The following ZNF581 variants were observed in gnomAD, a reference collection of about 807,000 sequenced individuals.
The protein encoded by ZNF581 is zinc finger protein 581.
Under a neutral mutation model 1.2 loss-of-function variants are expected in ZNF581, and 1 was observed. The ratio of observed to expected loss-of-function variants is 0.83; its 90% CI spans 0.30 to 3.95. The LOEUF (loss-of-function observed/expected upper bound fraction) is 3.95. Among genes scored for constraint, ZNF581 ranks in the 30% most tolerant of loss-of-function variants. The pLI is 0.18. For synonymous variants in ZNF581, 105 were observed against 109.2 expected, an observed-to-expected ratio of 0.96 and a Z score of 0.24; for missense variants, 273 against 274.6, an observed-to-expected ratio of 0.99 and a Z score of 0.04.
At position 55,645,082 on chromosome 19, in the gene ZNF581, C is replaced by T. The variant is rs201594382; in HGVS notation, c.511C>T (p.Arg171Cys). The change falls in exon 2 of 2, where the codon CGC becomes TGC. Residue 171 changes from arginine (R) to cysteine (C), a missense_variant. Arg to Cys is a radical substitution (Grantham distance 180). Transcript: ENST00000270451. ...AQHSRVHSGE[R>C]PFQCPHCPRR... ...GCACAGCCGGGTGCACTCTGGGGAA[C>T]GCCCGTTTCAGTGTCCACACTGCCC... is the stretch of plus-strand genomic sequence containing the variant. 18 of 1,552,900 alleles carry T rather than the reference C, an allele frequency of 1.2e-5. No homozygotes were observed. The highest frequency in any genetic ancestry group is 1.7e-4 in the Middle Eastern group (1 of 5,798).
chr19:55,635,693 G>T (rs1263420518), exon 1 of ZNF581: 1 of 988,062 alleles, frequency 1.0e-6, no homozygotes, highest in African/African-American at 1.7e-5. Context: ...AGAATGATTC[G>T]CTGCAGCTGT....
upstream of ZNF581, chr19:55,641,066 G>A: frequency 7.1e-6 from 7 of 985,218 alleles, no homozygotes; most frequent in Non-Finnish European, 8.4e-6. Context: ...CGTCCCCGGC[G>A]CCGCCGGCCC....
chr19:55,645,325 G>T lies in ZNF581; in HGVS notation c.*160G>T. 1 of 583,956 alleles carries T rather than the reference G, an allele frequency of 1.7e-6. No individual in the cohort carries two copies. Among genetic ancestry groups the T allele is most frequent in the Admixed American group, 3.6e-5 (1 of 27,596 alleles). 36.2% of individuals were successfully genotyped at this position (583,956 alleles called of 1,614,324 possible). On this transcript the variant is annotated 3_prime_UTR_variant, in exon 2 of 2. Transcript: ENST00000270451. ...AGAGCCCTGCCTGAAGGAGGAATCC[G>T]TGAGTAATCTTCAGGTCCTCCGTGT... is the stretch of plus-strand genomic sequence containing the variant.
chr19:55,642,683 A>G, upstream of ZNF581: 1 of 1,438,376 alleles, frequency 7.0e-7, no homozygotes, highest in Admixed American at 2.9e-5. Context: ...CATCGACGCC[A>G]ATGGGGTCCC....
At chr19:55,642,531 C>T, upstream of ZNF581, 1 of 1,439,118 alleles carries the variant, frequency 6.9e-7, no homozygotes, top group Non-Finnish European at 9.1e-7. Flanking sequence ...CCGCCGCGGC[C>T]ACCCCACCCT....
chr19:55,643,420 C>G, upstream of ZNF581: 1 of 225,020 alleles, frequency 4.4e-6, no homozygotes, highest in African/African-American at 2.3e-5. Flanking sequence ...GTATCTACCC[C>G]CCTTCCGCCC....
upstream of ZNF581, chr19:55,640,362 C>T: frequency 1.0e-6 from 1 of 985,490 alleles, no homozygotes; most frequent in Non-Finnish European, 1.2e-6. Context: ...TCCAGTGGGC[C>T]CCGTGGGCAG....
upstream of ZNF581, chr19:55,642,642 C>T: frequency 7.0e-7 from 1 of 1,435,464 alleles, no homozygotes; most frequent in African/African-American, 1.5e-5. Context: ...GCGGCGGGGC[C>T]CCGACCCCCG....
chr19:55,640,168 G>C (rs937450948), upstream of ZNF581: 8 of 985,358 alleles, frequency 8.1e-6, no homozygotes, highest in African/African-American at 1.2e-4. Flanking sequence ...CTGCGAGGCC[G>C]TGGCGCCACG....
chr19:55,640,363 C>T (rs937439104), upstream of ZNF581: 48 of 985,370 alleles, frequency 4.9e-5, no homozygotes, highest in Non-Finnish European at 5.7e-5. Context: ...CCAGTGGGCC[C>T]CGTGGGCAGT....
Position 55,645,109 on chromosome 19 carries a change from C to T in ZNF581, c.538C>T (p.Arg180Cys), listed in dbSNP as rs778131710. The T allele has an allele frequency of 5.2e-6, 8 of 1,540,950 alleles. No individual in the cohort carries two copies. The highest frequency in any genetic ancestry group is 2.3e-5 in the East Asian group (1 of 44,088). The change falls in exon 2 of 2, where the codon CGC becomes TGC. Residue 180 changes from arginine to cysteine, a missense_variant. Physicochemically the swap from Arg to Cys is radical, Grantham distance 180. Transcript: ENST00000270451. ...ERPFQCPHCP[R>C]RFMEQNTLQK... ...CCCGTTTCAGTGTCCACACTGCCCT[C>T]GCCGCTTTATGGAGCAGAACACACT...
upstream of ZNF581, chr19:55,643,259 G>A (rs1443758595): frequency 2.2e-5 from 13 of 580,050 alleles, no homozygotes; most frequent in Non-Finnish European, 2.1e-5. Flanking sequence ...GAACCAGTCG[G>A]AACTGGGTTC....
chr19:55,639,209 T>C (rs1982290754), upstream of ZNF581, among the ~76,000 whole-genome samples: 1 of 151,696 alleles, frequency 6.6e-6, no homozygotes. Flanking sequence ...TGGGGGAGGG[T>C]GCTACTGCCA....
At chr19:55,641,060 C>G, upstream of ZNF581, 1 of 985,230 alleles carries the variant, frequency 1.0e-6, no homozygotes. Flanking sequence ...TCCCCGCGTC[C>G]CCGGCGCCGC....
At chr19:55,641,234 G>A (rs1227698147), upstream of ZNF581, 16 of 975,254 alleles carry the variant, frequency 1.6e-5, no homozygotes, top group African/African-American at 2.8e-4. Flanking sequence ...CGACGCCGGG[G>A]CCAGGCAGGC....
upstream of ZNF581, chr19:55,641,991 G>C: frequency 1.0e-6 from 1 of 967,456 alleles, no homozygotes; most frequent in South Asian, 4.8e-5. Flanking sequence ...AGTGGGGACG[G>C]AGGGCCAGGA....
upstream of ZNF581, chr19:55,643,225 G>A (rs1982644563): frequency 1.0e-6 from 1 of 974,542 alleles, no homozygotes; most frequent in African/African-American, 1.7e-5. Context: ...GTAGACCAAA[G>A]TCGTTGCCCC....
upstream of ZNF581, chr19:55,640,986 C>G: frequency 1.0e-6 from 1 of 985,372 alleles, no homozygotes. Context: ...ACTGGGCTCG[C>G]GCGCTTCCGG....
upstream of ZNF581, chr19:55,643,016 CG>C (rs1982625848): frequency 7.3e-7 from 1 of 1,362,112 alleles, no homozygotes; most frequent in South Asian, 1.9e-5. Flanking sequence ...GCAGCACGTG[CG>C]CCTCCACTAA....
Sources: allele counts gnomAD v4.1 joint callset (sites outside exome capture counted in the v4.1 genomes callset), GRCh38; gene constraint gnomAD v4.1.1; transcripts MANE v1.5; gene names NCBI Gene and HGNC (gene_info 2026-07-23, HGNC 2026-07-21).